NRXN1: variants seen among roughly 807,000 people sequenced by gnomAD.
NRXN1 encodes neurexin 1, also known as neurexin-1.
A neutral mutation model predicts 150.9 loss-of-function variants in NRXN1; 39 were observed. That is an observed-to-expected ratio of 0.26 (90% CI 0.20 to 0.34). The LOEUF is 0.34. NRXN1 is among the 10% of genes least tolerant of loss of function. NRXN1 has a pLI of 1.00. For missense variants in NRXN1, 1,815 were observed against 1,949.9 expected, an observed-to-expected ratio of 0.93 and a Z score of 1.30; for synonymous variants, 924 against 757.0, an observed-to-expected ratio of 1.22 and a Z score of -3.62.
At chr2:50,291,458 G>A (rs753380284) in intron 17 of NRXN1, among the ~76,000 whole-genome samples, 3 of 152,090 alleles carry the variant, frequency 2.0e-5, no homozygotes, top group Non-Finnish European at 4.4e-5. Context: ...TTGCCAGGCT[G>A]AGAAATCAAG....
At chr2:50,362,230 T>C (rs2079263977) in intron 17 of NRXN1, among the ~76,000 whole-genome samples, 1 of 152,058 alleles carries the variant, frequency 6.6e-6, no homozygotes, top group Non-Finnish European at 1.5e-5. Flanking sequence ...ATTCAACATA[T>C]TATTGGAAGT....
chr2:50,994,204 T>C (rs895281003), intron 2 of NRXN1, among the ~76,000 whole-genome samples: 3 of 151,984 alleles, frequency 2.0e-5, no homozygotes, highest in Non-Finnish European at 4.4e-5. Context: ...GGTGTGATCT[T>C]AGAGTCTGTA....
At chr2:50,248,811 A>G (rs1223170532) in intron 17 of NRXN1, among the ~76,000 whole-genome samples, 2 of 152,090 alleles carry the variant, frequency 1.3e-5, no homozygotes, top group Non-Finnish European at 2.9e-5. Context: ...GGAATCTAAG[A>G]GGGAAACTAG....
intron 2 of NRXN1, among the ~76,000 whole-genome samples, chr2:50,949,419 A>G (rs1690936453): frequency 6.6e-6 from 1 of 152,030 alleles, no homozygotes; most frequent in Admixed American, 6.6e-5. Context: ...GTCTACACAT[A>G]CTCATACTGA....
chr2:50,317,084 C>A (rs2075669664), intron 17 of NRXN1, among the ~76,000 whole-genome samples: 1 of 151,926 alleles, frequency 6.6e-6, no homozygotes, highest in African/African-American at 2.4e-5. Context: ...GAAATATTTT[C>A]TGCTCTGCGT....
At chr2:50,595,541 A>G (rs1675041988) in intron 8 of NRXN1, among the ~76,000 whole-genome samples, 1 of 152,126 alleles carries the variant, frequency 6.6e-6, no homozygotes, top group African/African-American at 2.4e-5. Context: ...CATTTATAGC[A>G]TTGCAAAGAT....
At chr2:50,580,797 G>A (rs1417891293) in intron 8 of NRXN1, among the ~76,000 whole-genome samples, 1 of 152,018 alleles carries the variant, frequency 6.6e-6, no homozygotes, top group Non-Finnish European at 1.5e-5. Flanking sequence ...GAGCAGAAGG[G>A]CTTATTTCCA....
At chr2:50,486,386 T>C (rs536517548) in intron 15 of NRXN1, among the ~76,000 whole-genome samples, 15 of 152,308 alleles carry the variant, frequency 9.8e-5, no homozygotes, top group African/African-American at 3.6e-4. Flanking sequence ...TACCACTCTA[T>C]TGATGTGCAT....
chr2:50,628,736 A>T (rs1469756046), intron 5 of NRXN1, among the ~76,000 whole-genome samples: 1 of 151,700 alleles, frequency 6.6e-6, no homozygotes, highest in Admixed American at 6.6e-5. Flanking sequence ...ACGAAAATGA[A>T]AAAGAAATTA....
chr2:51,023,224 T>A (rs1204848701), intron 2 of NRXN1, among the ~76,000 whole-genome samples: 1 of 152,162 alleles, frequency 6.6e-6, no homozygotes, highest in African/African-American at 2.4e-5. Flanking sequence ...TAGAGTGACA[T>A]TTTGGAAATA....
At chr2:50,393,696 G>C (rs1032821619) in intron 17 of NRXN1, among the ~76,000 whole-genome samples, 2 of 151,830 alleles carry the variant, frequency 1.3e-5, no homozygotes, top group African/African-American at 2.4e-5. Flanking sequence ...AGCAGGAATA[G>C]ATAGATTTGA....
rs1384111497 is a variant in NRXN1 at position 50,116,802 on chromosome 2, C to A, written c.3547-25308G>T. Among the ~76,000 whole-genome samples, 3 of 152,122 alleles carry A rather than the reference C, an allele frequency of 2.0e-5. No individual in the cohort carries two copies. In the South Asian group the frequency reaches 6.2e-4, roughly 31 times the overall value. The stretch of plus-strand genomic sequence containing the variant: ...AAAACTTGCACTATGAATGACGTAA[C>A]CCCTTCTCAAATACTGGACTTTAAC... On this transcript the variant is annotated intron_variant, in intron 18 of 22. Transcript: ENST00000401669.
At chr2:50,757,405 T>C (rs1701267937) in intron 5 of NRXN1, among the ~76,000 whole-genome samples, 1 of 151,800 alleles carries the variant, frequency 6.6e-6, no homozygotes, top group Non-Finnish European at 1.5e-5. Context: ...CATGAGTGAA[T>C]AACTCAACTG....
At chr2:49,993,268 G>T (rs1019378266) in intron 21 of NRXN1, among the ~76,000 whole-genome samples, 4 of 151,900 alleles carry the variant, frequency 2.6e-5, no homozygotes, top group African/African-American at 9.7e-5. Context: ...AGACATGAAG[G>T]AATCTTAAAT....
At chr2:49,957,983 C>T (rs2104520165) in intron 21 of NRXN1, among the ~76,000 whole-genome samples, 1 of 152,144 alleles carries the variant, frequency 6.6e-6, no homozygotes, top group South Asian at 2.1e-4. Flanking sequence ...TAAATTCTTC[C>T]CTATGTCTTA....
chr2:50,371,765 C>CAAGTGT (rs58777039), intron 17 of NRXN1, among the ~76,000 whole-genome samples: 85,322 of 151,046 alleles, frequency 0.56, 26,305 homozygotes, highest in East Asian at 0.92. Context: ...GTTACTGTTG[C>CAAGTGT]AATTTATAAG....
intron 5 of NRXN1, among the ~76,000 whole-genome samples, chr2:50,634,868 C>T (rs1683000028): frequency 6.6e-6 from 1 of 152,148 alleles, no homozygotes; most frequent in Admixed American, 6.5e-5. Flanking sequence ...TTCACCCTTA[C>T]TGACCTCTGC....
chr2:50,865,073 G>C (rs1676694208), intron 5 of NRXN1, among the ~76,000 whole-genome samples: 1 of 151,774 alleles, frequency 6.6e-6, no homozygotes, highest in African/African-American at 2.4e-5. Context: ...TATGCGGTGA[G>C]GGGGAGAAAA....
intron 2 of NRXN1, among the ~76,000 whole-genome samples, chr2:50,991,959 T>C (rs1224738650): frequency 6.6e-6 from 1 of 152,004 alleles, no homozygotes; most frequent in Non-Finnish European, 1.5e-5. Context: ...CATAAAGCTA[T>C]AAAAGAAAGG....
Sources: gnomAD v4.1 joint callset for allele counts (sites outside exome capture counted in the v4.1 genomes callset) on GRCh38, gnomAD v4.1.1 for gene constraint, MANE v1.5 for transcripts, NCBI Gene and HGNC (gene_info 2026-07-23, HGNC 2026-07-21) for gene names.